GNA12: variants seen among roughly 807,000 people sequenced by gnomAD.
GNA12 encodes the protein guanine nucleotide-binding protein subunit alpha-12.
In GNA12, 9 loss-of-function variants were observed where a neutral mutation model predicts 26.0. That is an observed-to-expected ratio of 0.35 (90% CI 0.21 to 0.60). The LOEUF (loss-of-function observed/expected upper bound fraction) is 0.60, where lower values mean the gene tolerates loss of function less well. Among genes scored for constraint, GNA12 ranks in the 20% least tolerant of loss-of-function variants. The pLI, the probability that GNA12 is intolerant of heterozygous loss-of-function variation, is 0.78. For synonymous variants in GNA12, 264 were observed against 219.6 expected, an observed-to-expected ratio of 1.20 and a Z score of -1.79; for missense variants, 405 against 525.8, an observed-to-expected ratio of 0.77 and a Z score of 2.25.
At position 2,785,889 on chromosome 7, in the gene GNA12, A is replaced by G. The variant is rs527252896; in HGVS notation, c.525+9039T>C. 2.4e-4 allele frequency among the ~76,000 whole-genome samples: 36 copies of G among 152,376 alleles called. No homozygotes were observed. In the South Asian group the frequency reaches 7.0e-3, roughly 30 times the overall value. On this transcript the variant is annotated intron_variant, in intron 2 of 3. Coordinates refer to ENST00000275364, the MANE Select transcript of GNA12 (RefSeq NM_007353.3). ...TGGCGAAACCATATCTCTACTAAAAATACGAAAAATAAAAAAATAAATAAA... is the reference window on the plus strand; with the variant it reads ...TGGCGAAACCATATCTCTACTAAAAGTACGAAAAATAAAAAAATAAATAAA...
chr7:2,826,331 C>G (rs958293630), intron 1 of GNA12, among the ~76,000 whole-genome samples: 10 of 146,226 alleles, frequency 6.8e-5, no homozygotes, highest in African/African-American at 2.3e-4. Context: ...GAGCCGAGAT[C>G]ACGCCACTGT....
intron 2 of GNA12, among the ~76,000 whole-genome samples, chr7:2,786,683 T>G (rs1792369350): frequency 6.6e-6 from 1 of 152,226 alleles, no homozygotes; most frequent in Admixed American, 6.5e-5. Flanking sequence ...TAGTTTTCAC[T>G]AATTAAACAC....
intron 3 of GNA12, among the ~76,000 whole-genome samples, chr7:2,732,913 T>G (rs1789973457): frequency 6.6e-6 from 1 of 152,066 alleles, no homozygotes; most frequent in Non-Finnish European, 1.5e-5. Flanking sequence ...CAAAGCAAAA[T>G]CAACATGAAA....
chr7:2,790,637 A>G (rs1034146058), intron 2 of GNA12, among the ~76,000 whole-genome samples: 6 of 152,182 alleles, frequency 3.9e-5, no homozygotes, highest in African/African-American at 1.4e-4. Flanking sequence ...TGATATATCT[A>G]TATCATACCA....
chr7:2,794,395 G>A (rs1026416137), intron 2 of GNA12, among the ~76,000 whole-genome samples: 1 of 152,008 alleles, frequency 6.6e-6, no homozygotes, highest in African/African-American at 2.4e-5. Flanking sequence ...AAAGCAAACA[G>A]GCAAAACCCC....
intron 2 of GNA12, among the ~76,000 whole-genome samples, chr7:2,780,092 A>ATATATATC (rs1792190975): frequency 2.4e-5 from 3 of 125,534 alleles, no homozygotes; most frequent in Non-Finnish European, 5.0e-5. Flanking sequence ...ATATATATAT[A>ATATATATC]TGCCTGTTTT....
intron 2 of GNA12, among the ~76,000 whole-genome samples, chr7:2,782,745 C>A (rs1436295178): frequency 1.3e-5 from 2 of 151,862 alleles, no homozygotes. Context: ...AAACATGGTG[C>A]TGCCCCGACT....
chr7:2,843,375 G>T (rs1779059882), intron 1 of GNA12, among the ~76,000 whole-genome samples: 1 of 151,916 alleles, frequency 6.6e-6, no homozygotes, highest in South Asian at 2.1e-4. Flanking sequence ...CGGGCGCCAT[G>T]ACTCATGCCT....
intron 1 of GNA12, among the ~76,000 whole-genome samples, chr7:2,840,051 G>C (rs111337984): frequency 8.1e-4 from 123 of 152,298 alleles, no homozygotes; most frequent in African/African-American, 2.8e-3. Context: ...GAAGGGGAGA[G>C]AGTGGCTACA....
At position 2,733,597 on chromosome 7, in the gene GNA12, C is replaced by A. The variant is rs192420242; in HGVS notation, c.526-96G>T. 2.2e-5 allele frequency: 20 copies of A among 910,376 alleles called. No individual in the cohort carries two copies. In the African/African-American group the frequency reaches 2.8e-4, roughly 13 times the overall value. 56.4% of individuals were successfully genotyped at this position (910,376 alleles called of 1,614,324 possible). A position where few individuals can be genotyped will look rare whatever the true frequency, so the allele number is the denominator to read the frequency against. On this transcript the variant is annotated intron_variant, in intron 2 of 3. Transcript: ENST00000275364. ...GAACAGGGTAAGAGCAGTGGCATTT[C>A]GCCTCCGTGTGAATGGGAAAGCAAA...
At chr7:2,765,393 T>A (rs867488443) in intron 2 of GNA12, among the ~76,000 whole-genome samples, 1 of 152,184 alleles carries the variant, frequency 6.6e-6, no homozygotes, top group African/African-American at 2.4e-5. Context: ...TCTCCTGACC[T>A]CGTGATCCGC....
At chr7:2,767,721 C>G (rs746654819) in intron 2 of GNA12, among the ~76,000 whole-genome samples, 18 of 152,186 alleles carry the variant, frequency 1.2e-4, no homozygotes, top group Admixed American at 3.9e-4. Context: ...AATTCAGAAA[C>G]TTTCAGATTT....
intron 1 of GNA12, among the ~76,000 whole-genome samples, chr7:2,807,939 C>T (rs937411962): frequency 3.3e-5 from 5 of 152,144 alleles, no homozygotes; most frequent in African/African-American, 1.2e-4. Flanking sequence ...CGCTCTGTGC[C>T]CCGTGGAGGA....
At chr7:2,780,046 GTGTACATATATATATATATATATATA>G (rs1490527237) in intron 2 of GNA12, among the ~76,000 whole-genome samples, 43 of 85,834 alleles carry the variant, frequency 5.0e-4, no homozygotes, top group Middle Eastern at 5.7e-3. Flanking sequence ...ACACATTTCT[GTGTACATATATATATATATATATATA>G]TATATATATA....
intron 2 of GNA12, among the ~76,000 whole-genome samples, chr7:2,756,545 G>C (rs1422313890): frequency 2.0e-5 from 3 of 151,832 alleles, no homozygotes; most frequent in Non-Finnish European, 4.4e-5. Flanking sequence ...AGCCCGGGAG[G>C]TCGAGGCTGC....
chr7:2,840,122 G>A (rs1778948090), intron 1 of GNA12, among the ~76,000 whole-genome samples: 2 of 152,160 alleles, frequency 1.3e-5, no homozygotes, highest in South Asian at 2.1e-4. Context: ...CTGTATCGAC[G>A]TCAATATCCT....
At chr7:2,778,531 A>C (rs1449300311) in intron 2 of GNA12, among the ~76,000 whole-genome samples, 1 of 152,206 alleles carries the variant, frequency 6.6e-6, no homozygotes, top group Non-Finnish European at 1.5e-5. Flanking sequence ...ATCTCTCCAC[A>C]AGTTGGGTAA....
chr7:2,747,223 A>G (rs931578698), intron 2 of GNA12, among the ~76,000 whole-genome samples: 1 of 152,244 alleles, frequency 6.6e-6, no homozygotes, highest in Non-Finnish European at 1.5e-5. Context: ...ACCAAAAAAG[A>G]GAATTTTAGA....
intron 1 of GNA12, among the ~76,000 whole-genome samples, chr7:2,826,633 C>A (rs897480606): frequency 6.6e-6 from 1 of 152,070 alleles, no homozygotes; most frequent in African/African-American, 2.4e-5. Flanking sequence ...TAACATGCCA[C>A]GGAAAGACAC....
Sources: allele counts gnomAD v4.1 joint callset (sites outside exome capture counted in the v4.1 genomes callset), GRCh38; gene constraint gnomAD v4.1.1; transcripts MANE v1.5; gene names NCBI Gene and HGNC (gene_info 2026-07-23, HGNC 2026-07-21).